The following PDE11A variants were observed in gnomAD, a reference collection of about 807,000 sequenced individuals.
The protein encoded by PDE11A is dual 3',5'-cyclic-AMP and -GMP phosphodiesterase 11A.
PDE11A carries 100 observed loss-of-function variants against 100.5 expected under a neutral mutation model. That is an observed-to-expected ratio of 1.00 (90% CI 0.85 to 1.18). PDE11A has a LOEUF of 1.18. Ranked by LOEUF, PDE11A falls within the 50% of genes most tolerant of loss-of-function variation. PDE11A has a pLI of 0.00. For missense variants in PDE11A, 1,141 were observed against 1,152.6 expected (o/e 0.99, Z 0.15); for synonymous variants, 381 against 420.8 (o/e 0.91, Z 1.16).
chr2:177,807,917 A>T (rs574865619), intron 9 of PDE11A, among the ~76,000 whole-genome samples: 1 of 152,358 alleles, frequency 6.6e-6, no homozygotes, highest in East Asian at 1.9e-4. Flanking sequence ...TTATGTGTCA[A>T]TAGCCCTTTT....
rs2087038872 is a variant in PDE11A at position 178,066,046 on chromosome 2, C to T, written c.912+5480G>A. On this transcript the variant is annotated intron_variant, in intron 1 of 19. Transcript: ENST00000286063. ...AATTTTTTGTGTTGTTTTCCAACTC[C>T]TCTCTTCAAGGATAAGGCACTCAGC... 5.3e-5 allele frequency among the ~76,000 whole-genome samples: 8 copies of T among 151,906 alleles called. No individual in the cohort carries two copies. In the South Asian group the frequency reaches 1.7e-3, roughly 32 times the overall value.
At chr2:177,935,992 T>TTTCTCCTA (rs2085267702) in intron 2 of PDE11A, among the ~76,000 whole-genome samples, 1 of 152,198 alleles carries the variant, frequency 6.6e-6, no homozygotes, top group African/African-American at 2.4e-5. Flanking sequence ...CTTCTTTATA[T>TTTCTCCTA]AATTTTGCTT....
chr2:177,805,658 G>T (rs1437040092), intron 9 of PDE11A, among the ~76,000 whole-genome samples: 1 of 152,004 alleles, frequency 6.6e-6, no homozygotes, highest in Non-Finnish European at 1.5e-5. Context: ...TCAAGGAGAG[G>T]GATAGATGAT....
intron 2 of PDE11A, among the ~76,000 whole-genome samples, chr2:177,972,640 GA>G (rs888677831): frequency 9.9e-5 from 15 of 151,762 alleles, no homozygotes; most frequent in Admixed American, 2.0e-4. Context: ...AAAGCTGAAA[GA>G]AAAAAAAGCT....
chr2:178,030,042 T>C (rs1055400756), intron 1 of PDE11A, among the ~76,000 whole-genome samples: 1 of 152,156 alleles, frequency 6.6e-6, no homozygotes, highest in Non-Finnish European at 1.5e-5. Context: ...TTTCTGTTTG[T>C]TATAAATTAC....
chr2:177,854,684 T>C (rs1172166665), intron 5 of PDE11A, among the ~76,000 whole-genome samples: 2 of 152,072 alleles, frequency 1.3e-5, no homozygotes, highest in African/African-American at 4.8e-5. Flanking sequence ...GCAGAGAATA[T>C]CTGGGTAACT....
intron 10 of PDE11A, among the ~76,000 whole-genome samples, chr2:177,737,591 A>AAC (rs1426124947): frequency 2.1e-4 from 4 of 18,868 alleles, no homozygotes; most frequent in Non-Finnish European, 1.4e-3. Flanking sequence ...ACTCTGTCTC[A>AAC]AAAAAAAAAA....
intron 2 of PDE11A, among the ~76,000 whole-genome samples, chr2:178,087,353 CAA>C (rs1198466173): frequency 4.0e-4 from 33 of 82,662 alleles, no homozygotes; most frequent in Non-Finnish European, 3.5e-4. Flanking sequence ...GACTCCAACT[CAA>C]AAAAAAAAAA....
intron 1 of PDE11A, among the ~76,000 whole-genome samples, chr2:178,046,987 G>A (rs184108226): frequency 6.6e-6 from 1 of 151,574 alleles, no homozygotes; most frequent in East Asian, 1.9e-4. Flanking sequence ...TCTCATTCCT[G>A]TAGACTTATT....
At chr2:177,728,828 T>C (rs2105448724) in intron 10 of PDE11A, among the ~76,000 whole-genome samples, 1 of 152,284 alleles carries the variant, frequency 6.6e-6, no homozygotes. Context: ...ACAACATAAT[T>C]ACAATACTGG....
At chr2:177,838,960 C>A (rs1205036968) in intron 6 of PDE11A, among the ~76,000 whole-genome samples, 1 of 152,170 alleles carries the variant, frequency 6.6e-6, no homozygotes, top group South Asian at 2.1e-4. Flanking sequence ...GCTGGAAAGG[C>A]ACCCAACGCA....
At chr2:178,030,576 T>C (rs1049905076) in intron 1 of PDE11A, among the ~76,000 whole-genome samples, 11 of 151,872 alleles carry the variant, frequency 7.2e-5, no homozygotes, top group African/African-American at 2.7e-4. Context: ...GACAAGAGTA[T>C]TCTAAGAAAA....
chr2:178,032,955 A>G (rs1318702705), intron 1 of PDE11A, among the ~76,000 whole-genome samples: 1 of 152,228 alleles, frequency 6.6e-6, no homozygotes, highest in African/African-American at 2.4e-5. Flanking sequence ...GTGCAAAAAA[A>G]CAACTGAAAA....
At chr2:177,969,243 G>A (rs1428760785) in intron 2 of PDE11A, among the ~76,000 whole-genome samples, 2 of 152,050 alleles carry the variant, frequency 1.3e-5, no homozygotes, top group South Asian at 4.2e-4. Context: ...ACAGGGAGGG[G>A]AACATCACAC....
At position 177,705,448 on chromosome 2, in the gene PDE11A, A is replaced by G. The variant is rs192728582; in HGVS notation, c.2154-4237T>C. Reference sequence around the variant, plus strand: ...TACAAATACCTTTATACATGTAAGTATTCATGATGTGCATTATTGATGGTA... The same window carrying G: ...TACAAATACCTTTATACATGTAAGTGTTCATGATGTGCATTATTGATGGTA... On this transcript the variant is annotated intron_variant, in intron 13 of 19. Coordinates refer to ENST00000286063, the MANE Select transcript of PDE11A (RefSeq NM_016953.4). Among the ~76,000 whole-genome samples the G allele has an allele frequency of 3.1e-3, 465 of 152,348 alleles. 4 individuals carry two copies. The highest frequency in any genetic ancestry group is 0.011 in the African/African-American group (444 of 41,584).
chr2:177,915,441 C>T (rs576996200), intron 2 of PDE11A, among the ~76,000 whole-genome samples: 3 of 152,168 alleles, frequency 2.0e-5, no homozygotes, highest in Admixed American at 6.5e-5. Flanking sequence ...GTTGGAACCA[C>T]GCAGTATATA....
At chr2:177,789,993 G>A (rs199590981) in intron 9 of PDE11A, among the ~76,000 whole-genome samples, 1 of 150,044 alleles carries the variant, frequency 6.7e-6, no homozygotes, top group East Asian at 2.0e-4. Context: ...CAATGCCATC[G>A]CCATCAAGCT....
chr2:178,017,682 C>G (rs1037516566), intron 1 of PDE11A, among the ~76,000 whole-genome samples: 2 of 152,080 alleles, frequency 1.3e-5, no homozygotes, highest in Non-Finnish European at 2.9e-5. Flanking sequence ...TTCGGGGGGC[C>G]AGGTGCAGTG....
At chr2:177,655,573 C>T (rs909324430) in intron 19 of PDE11A, among the ~76,000 whole-genome samples, 2 of 152,080 alleles carry the variant, frequency 1.3e-5, no homozygotes, top group Admixed American at 6.6e-5. Context: ...GGGTCTTGCT[C>T]TGTCACCCAG....
Sources: allele counts gnomAD v4.1 joint callset (sites outside exome capture counted in the v4.1 genomes callset), GRCh38; gene constraint gnomAD v4.1.1; transcripts MANE v1.5; gene names NCBI Gene and HGNC (gene_info 2026-07-23, HGNC 2026-07-21).